Variants in SPATA18 observed in about 807,000 individuals in gnomAD.
The protein encoded by SPATA18 is spermatogenesis associated 18, also known as mitochondria-eating protein.
A neutral mutation model predicts 68.1 loss-of-function variants in SPATA18; 54 were observed. The observed-to-expected ratio is 0.79, with a 90% CI of 0.64 to 0.99. The LOEUF is 0.99. Among genes scored for constraint, SPATA18 ranks in the 50% least tolerant of loss-of-function variants. The pLI, the probability that SPATA18 is intolerant of heterozygous loss-of-function variation, is 0.00. For synonymous variants in SPATA18, 242 were observed against 244.8 expected, an observed-to-expected ratio of 0.99 and a Z score of 0.11; for missense variants, 724 against 681.1, an observed-to-expected ratio of 1.06 and a Z score of -0.70.
chr4:52,081,695 A>C (rs766836209), intron 9 of SPATA18, among the ~76,000 whole-genome samples: 8 of 152,206 alleles, frequency 5.3e-5, no homozygotes, highest in Non-Finnish European at 1.2e-4. Flanking sequence ...TGACTAAACC[A>C]TATATCTCCT....
chr4:52,093,567 G>A (rs183495477), intron 11 of SPATA18, among the ~76,000 whole-genome samples: 1 of 152,192 alleles, frequency 6.6e-6, no homozygotes, highest in East Asian at 1.9e-4. Flanking sequence ...TTAGTAGACT[G>A]GTAAATAAAA....
At chr4:52,055,951 A>G (rs1738301949) in intron 1 of SPATA18, among the ~76,000 whole-genome samples, 1 of 152,168 alleles carries the variant, frequency 6.6e-6, no homozygotes, top group Non-Finnish European at 1.5e-5. Context: ...ATTTCTTGAG[A>G]GTATAAATGC....
At chr4:52,094,682 T>C in intron 12 of SPATA18, 110 bp downstream of exon 12, 1 of 1,325,636 alleles carries the variant, frequency 7.5e-7, no homozygotes, top group South Asian at 1.2e-5. Context: ...AGCATCTTTT[T>C]CTTACTCCTC....
intron 8 of SPATA18, 102 bp from the exon 9 acceptor site, chr4:52,079,642 A>G: frequency 1.5e-6 from 2 of 1,349,128 alleles, no homozygotes; most frequent in Non-Finnish European, 2.0e-6. Flanking sequence ...GCTTTGGCTC[A>G]CATTCTCTTT....
At chr4:52,087,075 G>A (rs1396008958) in intron 11 of SPATA18, among the ~76,000 whole-genome samples, 2 of 152,138 alleles carry the variant, frequency 1.3e-5, no homozygotes, top group East Asian at 1.9e-4. Context: ...CTTTGGAAAA[G>A]CGTCTGTTCA....
chr4:52,056,646 CG>C (rs549882112), intron 1 of SPATA18, among the ~76,000 whole-genome samples: 23 of 152,184 alleles, frequency 1.5e-4, no homozygotes, highest in African/African-American at 5.1e-4. Context: ...ATGCTGAAAT[CG>C]GTGGGACCTT....
intron 10 of SPATA18, among the ~76,000 whole-genome samples, chr4:52,084,115 A>G (rs941814574): frequency 2.0e-4 from 30 of 152,216 alleles, no homozygotes; most frequent in African/African-American, 5.8e-4. Flanking sequence ...TCCAACAGCT[A>G]CACATGTTCT....
intron 12 of SPATA18, 145 bp from the exon 13 acceptor site, chr4:52,094,735 G>T: frequency 7.8e-7 from 1 of 1,274,674 alleles, no homozygotes; most frequent in Non-Finnish European, 1.1e-6. Flanking sequence ...TACCCAGGCA[G>T]GTCCCATGGG....
At chr4:52,068,074 G>C (rs975116935) in intron 4 of SPATA18, among the ~76,000 whole-genome samples, 3 of 152,094 alleles carry the variant, frequency 2.0e-5, no homozygotes, top group Non-Finnish European at 4.4e-5. Context: ...ATGTGCATCC[G>C]CTTGTATGTG....
At chr4:52,052,602 C>T (rs1460088804) in intron 1 of SPATA18, among the ~76,000 whole-genome samples, 1 of 152,112 alleles carries the variant, frequency 6.6e-6, no homozygotes, top group African/African-American at 2.4e-5. Flanking sequence ...AACTGTGGAC[C>T]GGAAATTAGC....
At chr4:52,069,766 T>C in intron 4 of SPATA18, 55 bp from the exon 5 acceptor site, 1 of 1,382,762 alleles carries the variant, frequency 7.2e-7, no homozygotes, top group Non-Finnish European at 9.8e-7. Context: ...TGCCTTGATT[T>C]AGAAAGTCTG....
At chr4:52,066,694 C>T (rs1311444669) in intron 4 of SPATA18, among the ~76,000 whole-genome samples, 1 of 152,064 alleles carries the variant, frequency 6.6e-6, no homozygotes, top group Non-Finnish European at 1.5e-5. Flanking sequence ...GTATTGTTCC[C>T]CTCCCTGTGT....
chr4:52,083,909 T>A (rs1380848831), intron 10 of SPATA18, among the ~76,000 whole-genome samples: 1 of 151,868 alleles, frequency 6.6e-6, no homozygotes, highest in Non-Finnish European at 1.5e-5. Flanking sequence ...CCCAGCTAAT[T>A]TTCATATTTT....
chr4:52,083,079 A>G (rs1741090611), intron 10 of SPATA18: 1 of 914,214 alleles, frequency 1.1e-6, no homozygotes, highest in African/African-American at 2.1e-5. Flanking sequence ...AATGTTAAAT[A>G]CTTGAACAGC....
chr4:52,071,231 C>T (rs775469846), intron 5 of SPATA18, among the ~76,000 whole-genome samples: 24 of 152,306 alleles, frequency 1.6e-4, no homozygotes, highest in Admixed American at 2.6e-4. Context: ...TCATTTTACA[C>T]CCTTGTCATT....
intron 7 of SPATA18, among the ~76,000 whole-genome samples, chr4:52,077,726 T>G (rs992164346): frequency 6.6e-6 from 1 of 152,176 alleles, no homozygotes; most frequent in Non-Finnish European, 1.5e-5. Context: ...AGGCTGTGAT[T>G]GTATTAATGC....
In SPATA18 at chr4:52,082,997, G is replaced by C. The variant is rs1741083248; in HGVS notation, c.1479+487G>C. Reference sequence around the variant, plus strand: ...GAGACAAAGAGGGCAGAGGAGGTGGGAGAGAGGAACCAATCAGTTTGGGAA... The same window carrying C: ...GAGACAAAGAGGGCAGAGGAGGTGGCAGAGAGGAACCAATCAGTTTGGGAA... On this transcript the variant is annotated intron_variant, in intron 10 of 12. Coordinates refer to ENST00000295213, the MANE Select transcript of SPATA18 (RefSeq NM_145263.4). 3 of 985,380 alleles carry C rather than the reference G, an allele frequency of 3.0e-6. No individual in the cohort carries two copies. The South Asian group carries it at 1.4e-4, about 46-fold the overall frequency. 61.0% of individuals were successfully genotyped at this position (985,380 alleles called of 1,614,324 possible). A position where few individuals can be genotyped will look rare whatever the true frequency, so the allele number is the denominator to read the frequency against.
At position 52,095,198 on chromosome 4, in the gene SPATA18, A is replaced by G. The variant is rs1021829365; in HGVS notation, c.*311A>G. 4 of 422,850 alleles carry G rather than the reference A, an allele frequency of 9.5e-6. No individual in the cohort carries two copies. Among genetic ancestry groups the G allele is most frequent in the Admixed American group, 7.9e-5 (2 of 25,312 alleles). The allele number at this position is 422,850 out of a possible 1,614,324, so 26.2% of individuals were successfully genotyped here. On this transcript the variant is annotated 3_prime_UTR_variant, in exon 13 of 13. Transcript: ENST00000295213. ...TTCAAGATTTCCATCTCAAAACACT[A>G]CGCTCTTTTATGGGAACTGTGTGAA...
chr4:52,070,040 TTA>T (rs34106590), intron 5 of SPATA18, 124 bp downstream of exon 5: 40,972 of 237,984 alleles, frequency 0.17, 3,759 homozygotes, highest in East Asian at 0.33. Context: ...TTTTTATTAA[TTA>T]TATATATATA....
Sources: allele counts gnomAD v4.1 joint callset (sites outside exome capture counted in the v4.1 genomes callset), GRCh38; gene constraint gnomAD v4.1.1; transcripts MANE v1.5; gene names NCBI Gene and HGNC (gene_info 2026-07-23, HGNC 2026-07-21).